Variants in RHEBL1 observed in about 807,000 individuals in gnomAD.
The protein encoded by RHEBL1 is GTPase RhebL1.
A neutral mutation model predicts 27.4 loss-of-function variants in RHEBL1; 22 were observed. The ratio of observed to expected loss-of-function variants is 0.80; its 90% CI spans 0.57 to 1.15. The LOEUF is 1.15. Ranked by LOEUF, RHEBL1 falls within the 50% of genes most tolerant of loss-of-function variation. RHEBL1 has a pLI of 0.00. For synonymous variants in RHEBL1, 85 were observed against 80.8 expected, an observed-to-expected ratio of 1.05 and a Z score of -0.28; for missense variants, 186 against 226.5, an observed-to-expected ratio of 0.82 and a Z score of 1.15.
chr12:49,069,973 G>C lies in RHEBL1; in HGVS notation c.-188C>G. On this transcript the variant is annotated 5_prime_UTR_variant, in exon 1 of 8. Transcript: ENST00000301068. ...TGCCCACGTGATCACAACACAGCAC[G>C]TCTAACGCCAGGGAGCCGGGCGCCC... is the stretch of plus-strand genomic sequence containing the variant. 1 of 603,338 alleles carries C rather than the reference G, an allele frequency of 1.7e-6. No individual in the cohort carries two copies. The highest frequency in any genetic ancestry group is 1.9e-5 in the South Asian group (1 of 51,294). 37.4% of individuals were successfully genotyped at this position (603,338 alleles called of 1,614,324 possible).
At chr12:49,068,280 T>G (rs1188346194) in intron 2 of RHEBL1, among the ~76,000 whole-genome samples, 4 of 151,826 alleles carry the variant, frequency 2.6e-5, no homozygotes, top group Non-Finnish European at 5.9e-5. Context: ...CAGATGTCCA[T>G]CACCATGTCC....
chr12:49,068,902 AAAG>A lies in RHEBL1; in HGVS notation c.124+130_124+132del, dbSNP rs1464883314. 6.3e-6 allele frequency: 6 copies of A among 946,346 alleles called. No individual in the cohort carries two copies. In the African/African-American group the frequency reaches 9.9e-5, roughly 16 times the overall value. 58.6% of individuals were successfully genotyped at this position (946,346 alleles called of 1,614,324 possible). A position where few individuals can be genotyped will look rare whatever the true frequency, so the allele number is the denominator to read the frequency against. ...TAGCCATCCATCGAACAGGATTGCT[AAAG>A]AAGAAATCAGATGTAATGTCTAAAT... On this transcript the variant is annotated intron_variant, in intron 2 of 7. Transcript: ENST00000301068.
At chr12:49,067,100 T>G in intron 2 of RHEBL1, 65 bp from the exon 3 acceptor site, 1 of 59,276 alleles carries the variant, frequency 1.7e-5, no homozygotes, top group East Asian at 5.1e-4. Flanking sequence ...GTCCCCTGAC[T>G]TTTTTTTTTT....
In RHEBL1 at chr12:49,069,769, T is replaced by C. The variant is rs777176905; in HGVS notation, c.17A>G (p.Tyr6Cys). The C allele has an allele frequency of 6.2e-7, 1 of 1,613,530 alleles. No homozygotes were observed. Among genetic ancestry groups the C allele is most frequent in the Non-Finnish European group, 8.5e-7 (1 of 1,179,792 alleles). MPLVR[Y>C]RKVVILGYRC... ...GTATCCGAGGATGACCACCTTCCTG[T>C]AGCGGACTAGCGGCATGGCAGGAGC... Residue 6 changes from tyrosine to cysteine, a missense_variant, in exon 1 of 8, where the codon TAC (tyrosine) becomes TGC (cysteine). Tyr to Cys is a radical substitution (Grantham distance 194). Around this residue, in one of 3 missense-constraint regions of RHEBL1, gnomAD observed 62 missense variants for 62.1 expected, o/e 1.00. Transcript: ENST00000301068.
chr12:49,069,670 G>C (rs1939056584), intron 1 of RHEBL1, 64 bp downstream of exon 1: 3 of 1,466,582 alleles, frequency 2.0e-6, no homozygotes, highest in Admixed American at 1.7e-5. Flanking sequence ...GCGTTCCCAC[G>C]GCAGCGCGCC....
In RHEBL1 at chr12:49,069,919, G is replaced by C; in HGVS notation, c.-134C>G. The C allele has an allele frequency of 1.3e-6, 1 of 745,372 alleles. No individual in the cohort carries two copies. The allele number at this position is 745,372 out of a possible 1,614,324, so 46.2% of individuals were successfully genotyped here. On this transcript the variant is annotated 5_prime_UTR_variant, in exon 1 of 8. Transcript: ENST00000301068. ...GAAGCTGCCGTGGGCAAGTTAGAAGGAAACCAAAACAAGCGCCGCGCCCGG... is the reference window on the plus strand; with the variant it reads ...GAAGCTGCCGTGGGCAAGTTAGAAGCAAACCAAAACAAGCGCCGCGCCCGG...
At position 49,066,618 on chromosome 12, in the gene RHEBL1, C is replaced by G. The variant is rs751391508; in HGVS notation, c.275+1G>C. 12 of 1,613,738 alleles carry G rather than the reference C, an allele frequency of 7.4e-6. No homozygotes were observed. In the East Asian group the frequency reaches 2.7e-4, roughly 36 times the overall value. ...CCGCACTCACAACCTTGGTCACTTA[C>G]CTATGCAGAGAGGTGACAGAATACA... On this transcript the variant is annotated splice_donor_variant, in intron 4 of 7. Coordinates refer to ENST00000301068, the MANE Select transcript of RHEBL1 (RefSeq NM_144593.3). LOFTEE classifies it high-confidence loss of function.
chr12:49,065,631 T>TA (rs1175574545), intron 6 of RHEBL1, among the ~76,000 whole-genome samples, 200 bp from the exon 7 acceptor site: 27 of 147,928 alleles, frequency 1.8e-4, no homozygotes, highest in Admixed American at 2.0e-4. Flanking sequence ...CCATCTCTAT[T>TA]AAAAAAAAAA....
intron 6 of RHEBL1, 99 bp from the exon 7 acceptor site, chr12:49,065,530 T>A: frequency 1.0e-6 from 1 of 979,188 alleles, no homozygotes; most frequent in Non-Finnish European, 1.6e-6. Flanking sequence ...GCACAGTGGC[T>A]CATGCCTGTA....
In RHEBL1 at chr12:49,066,704, G is replaced by A. The variant is rs924729810; in HGVS notation, c.193-3C>T. ...TAGGGCAGAATGCTGTACTCATCCT[G>A]GCAAGAAATGGGAAACATCAGTACC... On this transcript the variant is annotated splice_region_variant and splice_polypyrimidine_tract_variant and intron_variant, in intron 3 of 7. Coordinates refer to ENST00000301068, the MANE Select transcript of RHEBL1 (RefSeq NM_144593.3). The A allele has an allele frequency of 1.9e-6, 3 of 1,613,100 alleles. No homozygotes were observed. The highest frequency in any genetic ancestry group is 1.3e-5 in the African/African-American group (1 of 75,002).
chr12:49,069,905 G>A lies in RHEBL1; in HGVS notation c.-120C>T. The A allele has an allele frequency of 1.2e-6, 1 of 827,980 alleles. No individual in the cohort carries two copies. The highest frequency in any genetic ancestry group is 2.0e-6 in the Non-Finnish European group (1 of 498,652). 51.3% of individuals were successfully genotyped at this position (827,980 alleles called of 1,614,324 possible). A position where few individuals can be genotyped will look rare whatever the true frequency, so the allele number is the denominator to read the frequency against. ...AAGTCGCTCACCCCGAAGCTGCCGT[G>A]GGCAAGTTAGAAGGAAACCAAAACA... On this transcript the variant is annotated 5_prime_UTR_variant, in exon 1 of 8. Coordinates refer to ENST00000301068, the MANE Select transcript of RHEBL1 (RefSeq NM_144593.3).
At chr12:49,069,608 A>C in intron 1 of RHEBL1, 126 bp downstream of exon 1, 4 of 848,784 alleles carry the variant, frequency 4.7e-6, no homozygotes, top group South Asian at 2.8e-5. Flanking sequence ...CCACTCTTCC[A>C]ATCCTCGCTC....
chr12:49,067,553 C>T (rs770967825), intron 2 of RHEBL1, among the ~76,000 whole-genome samples: 23 of 151,614 alleles, frequency 1.5e-4, no homozygotes, highest in Non-Finnish European at 2.7e-4. Context: ...CCAGGGCAGG[C>T]GGATCACTTA....
At chr12:49,066,140 G>T (rs1592176808) in intron 6 of RHEBL1, 91 bp downstream of exon 6, 8 of 978,686 alleles carry the variant, frequency 8.2e-6, no homozygotes, top group African/African-American at 4.8e-5. Flanking sequence ...GAAATGACTT[G>T]TTTGAGTCAG....
chr12:49,068,539 G>A (rs1420735005), intron 2 of RHEBL1, among the ~76,000 whole-genome samples: 3 of 149,656 alleles, frequency 2.0e-5, no homozygotes, highest in Non-Finnish European at 4.4e-5. Context: ...GGGTTCAAGC[G>A]ATTCTCCTAC....
At chr12:49,065,503 C>G (rs1318848696) in intron 6 of RHEBL1, 72 bp from the exon 7 acceptor site, 2 of 1,297,156 alleles carry the variant, frequency 1.5e-6, no homozygotes, top group African/African-American at 2.9e-5. Flanking sequence ...TCTTCAGAAT[C>G]AAGACTTCCT....
At chr12:49,066,395 C>T in intron 5 of RHEBL1, 81 bp downstream of exon 5, 1 of 1,560,984 alleles carries the variant, frequency 6.4e-7, no homozygotes. Context: ...CGAGCCTCCT[C>T]TCTAACTTGA....
chr12:49,069,177 G>A (rs755556728), intron 1 of RHEBL1, 71 bp from the exon 2 acceptor site: 40 of 1,612,106 alleles, frequency 2.5e-5, no homozygotes, highest in African/African-American at 4.0e-5. Context: ...CTTTCGGACT[G>A]TGGCCCAGGA....
chr12:49,065,938 T>TAG (rs1474109658), intron 6 of RHEBL1, among the ~76,000 whole-genome samples: 1 of 146,058 alleles, frequency 6.8e-6, no homozygotes, highest in East Asian at 2.0e-4. Flanking sequence ...AAAAAAAAAA[T>TAG]AGAGAAGAAA....
Sources: gnomAD v4.1 joint callset for allele counts (sites outside exome capture counted in the v4.1 genomes callset) on GRCh38, gnomAD v4.1.1 for gene constraint, gnomAD v4.1.1 regional missense constraint, MANE v1.5 for transcripts, NCBI Gene and HGNC (gene_info 2026-07-23, HGNC 2026-07-21) for gene names.